Variants in BICD1 observed in about 807,000 individuals in gnomAD.
The protein encoded by BICD1 is BICD cargo adaptor 1.
BICD1 carries 35 observed loss-of-function variants against 92.5 expected under a neutral mutation model. The ratio of observed to expected loss-of-function variants is 0.38; its 90% CI spans 0.29 to 0.50. The LOEUF (loss-of-function observed/expected upper bound fraction) is 0.50. Among genes scored for constraint, BICD1 ranks in the 20% least tolerant of loss-of-function variants. BICD1 has a pLI of 0.93. For missense variants in BICD1, 950 were observed against 1,189.8 expected (o/e 0.80, Z 2.97); for synonymous variants, 429 against 465.1 (o/e 0.92, Z 1.00).
chr12:32,180,598 A>G (rs1028995394), intron 1 of BICD1, among the ~76,000 whole-genome samples: 4 of 151,920 alleles, frequency 2.6e-5, no homozygotes, highest in South Asian at 4.1e-4. Flanking sequence ...AAGAGTCTAA[A>G]ATAAGCCTTT....
At chr12:32,351,576 G>GTAGAATGA (rs1938883882) in intron 8 of BICD1, among the ~76,000 whole-genome samples, 1 of 145,654 alleles carries the variant, frequency 6.9e-6, no homozygotes, top group East Asian at 2.1e-4. Flanking sequence ...AATTTATTTT[G>GTAGAATGA]CAGAATGATC....
intron 1 of BICD1, among the ~76,000 whole-genome samples, chr12:32,156,544 C>T (rs1048530779): frequency 1.1e-4 from 17 of 152,224 alleles, no homozygotes; most frequent in Admixed American, 1.1e-3. Context: ...GAGGCACTCT[C>T]TGGGAGATCA....
intron 8 of BICD1, among the ~76,000 whole-genome samples, chr12:32,361,955 T>C (rs745451796): frequency 2.6e-4 from 39 of 152,336 alleles, no homozygotes; most frequent in Middle Eastern, 3.4e-3. Flanking sequence ...CTGGGCCAGG[T>C]GTGGAGCCAA....
intron 1 of BICD1, among the ~76,000 whole-genome samples, chr12:32,207,060 T>C (rs1055115994): frequency 8.5e-5 from 13 of 152,208 alleles, no homozygotes; most frequent in Non-Finnish European, 1.9e-4. Context: ...TAGTGTTTAC[T>C]TGGGGAGTGG....
At chr12:32,357,712 G>A (rs923437016) in intron 8 of BICD1, among the ~76,000 whole-genome samples, 3 of 152,218 alleles carry the variant, frequency 2.0e-5, no homozygotes, top group Non-Finnish European at 4.4e-5. Context: ...CACTGTCCTC[G>A]CATCTCTGTG....
intron 1 of BICD1, among the ~76,000 whole-genome samples, chr12:32,189,932 C>T (rs1944519637): frequency 1.3e-5 from 2 of 152,082 alleles, no homozygotes; most frequent in Admixed American, 6.5e-5. Context: ...CTCCTGACCT[C>T]GAGTTATCTG....
chr12:32,114,818 G>A (rs1012180841), intron 1 of BICD1, among the ~76,000 whole-genome samples: 1 of 152,104 alleles, frequency 6.6e-6, no homozygotes, highest in Non-Finnish European at 1.5e-5. Flanking sequence ...ACAAATAAAC[G>A]ATGGGCAAAA....
chr12:32,129,089 T>C (rs1356166280), intron 1 of BICD1, among the ~76,000 whole-genome samples: 2 of 151,884 alleles, frequency 1.3e-5, no homozygotes, highest in Non-Finnish European at 2.9e-5. Flanking sequence ...TTATGCACCA[T>C]TGTGCCTGGC....
chr12:32,191,931 A>G (rs1944580458), intron 1 of BICD1, among the ~76,000 whole-genome samples: 1 of 152,012 alleles, frequency 6.6e-6, no homozygotes, highest in South Asian at 2.1e-4. Flanking sequence ...GATTAAACCA[A>G]TTAATAACCC....
chr12:32,145,419 GA>G (rs1305868233), intron 1 of BICD1, among the ~76,000 whole-genome samples: 1 of 152,170 alleles, frequency 6.6e-6, no homozygotes, highest in African/African-American at 2.4e-5. Flanking sequence ...TTTGACTTGT[GA>G]TGTATTGACT....
In BICD1 at chr12:32,151,828, TC is replaced by T. The variant is rs576372792; in HGVS notation, c.213+44287del. Among the ~76,000 whole-genome samples, 220 of 152,282 alleles carry T rather than the reference TC, an allele frequency of 1.4e-3. 2 individuals carry two copies. In the Middle Eastern group the frequency reaches 0.02, roughly 14 times the overall value. On this transcript the variant is annotated intron_variant, in intron 1 of 9. Coordinates refer to ENST00000652176, the MANE Select transcript of BICD1 (RefSeq NM_001714.4). ...TCTGCCTGCACATCTGCTTCTTTCT[TC>T]CCTACCCCCAGTTTCCCTTTTTCTC... is the stretch of plus-strand genomic sequence containing the variant.
chr12:32,285,285 C>T (rs534626582), intron 2 of BICD1, among the ~76,000 whole-genome samples: 1 of 152,262 alleles, frequency 6.6e-6, no homozygotes, highest in African/African-American at 2.4e-5. Flanking sequence ...GTATGTCTAG[C>T]ATCCTTGCTC....
At chr12:32,303,960 A>G (rs1435904847) in intron 3 of BICD1, among the ~76,000 whole-genome samples, 1 of 152,184 alleles carries the variant, frequency 6.6e-6, no homozygotes, top group African/African-American at 2.4e-5. Context: ...TTGTAGTCCC[A>G]GCTACTCAGG....
intron 2 of BICD1, among the ~76,000 whole-genome samples, chr12:32,268,795 G>A (rs866371157): frequency 6.6e-6 from 1 of 151,932 alleles, no homozygotes; most frequent in Non-Finnish European, 1.5e-5. Flanking sequence ...ATAAATAAAT[G>A]AAATGAAAAT....
intron 9 of BICD1, among the ~76,000 whole-genome samples, chr12:32,372,885 G>GA (rs1366103534): frequency 1.3e-5 from 2 of 151,858 alleles, no homozygotes; most frequent in Non-Finnish European, 2.9e-5. Context: ...TCCAAAAACA[G>GA]AAAAAAAGTA....
intron 2 of BICD1, among the ~76,000 whole-genome samples, chr12:32,256,813 C>T (rs1289175426): frequency 6.6e-6 from 1 of 152,206 alleles, no homozygotes; most frequent in Non-Finnish European, 1.5e-5. Flanking sequence ...AACAGATTCT[C>T]ATTCAATGTT....
Position 32,358,558 on chromosome 12 carries a change from G to A in BICD1, c.2765-9112G>A, listed in dbSNP as rs185414076. Among the ~76,000 whole-genome samples the A allele has an allele frequency of 9.3e-3, 1,414 of 152,016 alleles. 32 individuals are homozygous for A. The highest frequency in any genetic ancestry group is 8.3e-3 in the Non-Finnish European group (561 of 67,952). ...TGGAGACCATCCTGGCCAACATGGC[G>A]AAACCCCGTCTCTACTAAAAATACA... On this transcript the variant is annotated intron_variant, in intron 8 of 9. Coordinates refer to ENST00000652176, the MANE Select transcript of BICD1 (RefSeq NM_001714.4).
chr12:32,228,504 G>A (rs1945772564), intron 2 of BICD1, among the ~76,000 whole-genome samples: 1 of 152,192 alleles, frequency 6.6e-6, no homozygotes, highest in African/African-American at 2.4e-5. Context: ...TGAGTGAAAT[G>A]AGGAGCTACA....
At chr12:32,248,092 C>CAA (rs199608898) in intron 2 of BICD1, among the ~76,000 whole-genome samples, 2 of 150,084 alleles carry the variant, frequency 1.3e-5, no homozygotes, top group African/African-American at 5.0e-5. Context: ...AACAAACAAA[C>CAA]AAACAAAAAA....
Sources: gnomAD v4.1 joint callset for allele counts (sites outside exome capture counted in the v4.1 genomes callset) on GRCh38, gnomAD v4.1.1 for gene constraint, MANE v1.5 for transcripts, NCBI Gene and HGNC (gene_info 2026-07-23, HGNC 2026-07-21) for gene names.